Variants in PIEZO2 observed in about 807,000 individuals in gnomAD.
The protein encoded by PIEZO2 is piezo type mechanosensitive ion channel component 2.
PIEZO2 carries 172 observed loss-of-function variants against 337.3 expected under a neutral mutation model. The observed-to-expected ratio is 0.51, with a 90% CI of 0.45 to 0.58. The LOEUF is 0.58. Ranked by LOEUF, PIEZO2 falls within the 20% of genes least tolerant of loss-of-function variation. The pLI is 0.00. For missense variants in PIEZO2, 3,028 were observed against 3,391.3 expected, an observed-to-expected ratio of 0.89 and a Z score of 2.66; for synonymous variants, 1,251 against 1,228.5, an observed-to-expected ratio of 1.02 and a Z score of -0.38.
At chr18:10,796,740 C>CT (rs1214043081) in intron 12 of PIEZO2, among the ~76,000 whole-genome samples, 1 of 152,232 alleles carries the variant, frequency 6.6e-6, no homozygotes, top group East Asian at 1.9e-4. Context: ...GATAGCAGCA[C>CT]TTAGAGCCAG....
At chr18:10,747,465 C>T (rs1013945600) in intron 30 of PIEZO2, among the ~76,000 whole-genome samples, 8 of 152,168 alleles carry the variant, frequency 5.3e-5, no homozygotes, top group Non-Finnish European at 1.0e-4. Context: ...AGTAAGGTTA[C>T]TATTGGAATG....
intron 3 of PIEZO2, among the ~76,000 whole-genome samples, chr18:10,967,487 A>G (rs949365821): frequency 4.6e-5 from 7 of 152,214 alleles, no homozygotes; most frequent in African/African-American, 1.7e-4. Context: ...TGCTGGATCC[A>G]ATGGTAGTCC....
At chr18:11,053,972 C>T (rs1454213364) in intron 2 of PIEZO2, among the ~76,000 whole-genome samples, 6 of 152,042 alleles carry the variant, frequency 3.9e-5, no homozygotes, top group Admixed American at 3.3e-4. Flanking sequence ...TGCAGTGAGC[C>T]GAGATCACAT....
At chr18:10,696,622 C>T in intron 45 of PIEZO2, 83 bp from the exon 46 acceptor site, 1 of 1,479,538 alleles carries the variant, frequency 6.8e-7, no homozygotes, top group African/African-American at 1.4e-5. Context: ...TGCCATCATG[C>T]CACTCCTCTG....
chr18:10,997,797 CA>C (rs1464948375), intron 2 of PIEZO2, among the ~76,000 whole-genome samples: 5 of 152,060 alleles, frequency 3.3e-5, no homozygotes, highest in African/African-American at 1.2e-4. Flanking sequence ...AAAGGTCTAT[CA>C]TTTGCATCAT....
intron 34 of PIEZO2, among the ~76,000 whole-genome samples, chr18:10,735,697 G>A (rs2036968527): frequency 6.6e-6 from 1 of 152,140 alleles, no homozygotes. Flanking sequence ...GAAGCAATGG[G>A]GGAAGAAAGA....
At chr18:10,840,256 TTTTAA>T (rs1257767673) in intron 7 of PIEZO2, among the ~76,000 whole-genome samples, 2 of 152,230 alleles carry the variant, frequency 1.3e-5, no homozygotes, top group South Asian at 2.1e-4. Context: ...CTATAAGAAT[TTTTAA>T]TTTATTTTTG....
chr18:10,755,908 G>A (rs1224395402), intron 27 of PIEZO2, among the ~76,000 whole-genome samples: 1 of 151,530 alleles, frequency 6.6e-6, no homozygotes, highest in African/African-American at 2.4e-5. Context: ...GAGGGATAGA[G>A]GGTGAGGAGG....
intron 4 of PIEZO2, among the ~76,000 whole-genome samples, chr18:10,905,262 T>C (rs1199783518): frequency 6.6e-6 from 1 of 152,120 alleles, no homozygotes; most frequent in African/African-American, 2.4e-5. Flanking sequence ...TGTGTATCTC[T>C]CCATGCCATG....
intron 35 of PIEZO2, among the ~76,000 whole-genome samples, chr18:10,733,658 C>A (rs905974175): frequency 6.6e-6 from 1 of 152,066 alleles, no homozygotes; most frequent in Non-Finnish European, 1.5e-5. Context: ...CTGTGTTAGC[C>A]AGGATGGTCT....
chr18:10,902,958 G>A (rs1379444219), intron 4 of PIEZO2, among the ~76,000 whole-genome samples: 1 of 152,154 alleles, frequency 6.6e-6, no homozygotes, highest in Non-Finnish European at 1.5e-5. Context: ...AATTGAATGG[G>A]GAGCTGGTGC....
In PIEZO2 at chr18:10,978,563, G is replaced by A. The variant is rs1032802150; in HGVS notation, c.286+972C>T. Reference sequence around the variant, plus strand: ...GCTCTCTATCTAACAGTTATGCAGTGAGGGATAATAGTTTATGTATATAAA... The same window carrying A: ...GCTCTCTATCTAACAGTTATGCAGTAAGGGATAATAGTTTATGTATATAAA... On this transcript the variant is annotated intron_variant, in intron 3 of 55. Coordinates refer to ENST00000674853, the MANE Select transcript of PIEZO2 (RefSeq NM_001378183.1). Among the ~76,000 whole-genome samples, 18 of 152,296 alleles carry A rather than the reference G, an allele frequency of 1.2e-4. No individual in the cohort carries two copies. In the East Asian group the frequency reaches 3.5e-3, roughly 29 times the overall value.
chr18:10,944,700 T>C (rs1357042462), intron 3 of PIEZO2, among the ~76,000 whole-genome samples: 1 of 151,548 alleles, frequency 6.6e-6, no homozygotes, highest in Non-Finnish European at 1.5e-5. Flanking sequence ...GTGAGTAAAA[T>C]AATATCTTGA....
intron 2 of PIEZO2, among the ~76,000 whole-genome samples, chr18:10,981,052 G>A (rs2034645048): frequency 6.6e-6 from 1 of 152,090 alleles, no homozygotes; most frequent in Non-Finnish European, 1.5e-5. Context: ...CTGACAGCCT[G>A]CACTACTGAC....
Position 10,773,730 on chromosome 18 carries a change from A to G in PIEZO2, c.2568-101T>C. The G allele has an allele frequency of 8.9e-7, 1 of 1,126,204 alleles. No individual in the cohort carries two copies. Among genetic ancestry groups the G allele is most frequent in the Non-Finnish European group, 1.3e-6 (1 of 785,354 alleles). The allele number at this position is 1,126,204 out of a possible 1,614,324, so 69.8% of individuals were successfully genotyped here. A position where few individuals can be genotyped will look rare whatever the true frequency, so the allele number is the denominator to read the frequency against. On this transcript the variant is annotated intron_variant, in intron 19 of 55. Transcript: ENST00000674853. The surrounding 1 kb of genome is among the most constrained non-coding windows in gnomAD (Gnocchi z 5.3). ...GGATAAACACAAATGAAATCAGTGC[A>G]TGTACAAAGACCTCACAAGGTGGGG... is the stretch of plus-strand genomic sequence containing the variant.
intron 3 of PIEZO2, among the ~76,000 whole-genome samples, chr18:10,958,708 G>A (rs781761351): frequency 6.6e-6 from 1 of 152,120 alleles, no homozygotes; most frequent in Non-Finnish European, 1.5e-5. Flanking sequence ...ATGCCTGTCA[G>A]TTTTGCCTTA....
chr18:10,749,638 C>A (rs1214641483), intron 29 of PIEZO2, among the ~76,000 whole-genome samples: 1 of 152,258 alleles, frequency 6.6e-6, no homozygotes, highest in South Asian at 2.1e-4. Flanking sequence ...AGGAGTCTAA[C>A]TCTAGAAATC....
At chr18:10,709,083 A>G (rs2035711596) in intron 39 of PIEZO2, 2 of 152,358 alleles carry the variant, frequency 1.3e-5, no homozygotes, top group Admixed American at 1.3e-4. Flanking sequence ...AAATAAAATA[A>G]AAGGCTGTAA....
chr18:10,995,848 T>C (rs1379785014), intron 2 of PIEZO2, among the ~76,000 whole-genome samples: 2 of 152,092 alleles, frequency 1.3e-5, no homozygotes, highest in African/African-American at 4.8e-5. Flanking sequence ...TTTGTTGACT[T>C]GAAAGCCTCA....
Sources: gnomAD v4.1 joint callset for allele counts (sites outside exome capture counted in the v4.1 genomes callset) on GRCh38, gnomAD v4.1.1 for gene constraint, Gnocchi (gnomAD v3.1) non-coding constraint, MANE v1.5 for transcripts, NCBI Gene and HGNC (gene_info 2026-07-23, HGNC 2026-07-21) for gene names.